ANKRD35: variants seen among roughly 807,000 people sequenced by gnomAD.
ANKRD35 encodes ankyrin repeat domain-containing protein 35.
ANKRD35 carries 102 observed loss-of-function variants against 109.9 expected under a neutral mutation model. The observed-to-expected ratio is 0.93, with a 90% CI of 0.79 to 1.09. ANKRD35 has a LOEUF of 1.09. Ranked by LOEUF, ANKRD35 falls within the 50% of genes least tolerant of loss-of-function variation. The pLI, the probability that ANKRD35 is intolerant of heterozygous loss-of-function variation, is 0.00. For synonymous variants in ANKRD35, 515 were observed against 512.4 expected (o/e 1.01, Z -0.07); for missense variants, 1,240 against 1,230.1 (o/e 1.01, Z -0.12).
Position 145,872,296 on chromosome 1 carries a change from T to C in ANKRD35, c.2473A>G (p.Arg825Gly). 2 of 1,612,530 alleles carry C rather than the reference T, an allele frequency of 1.2e-6. No individual in the cohort carries two copies. Among genetic ancestry groups the C allele is most frequent in the Non-Finnish European group, 1.7e-6 (2 of 1,179,440 alleles). Residue 825 changes from arginine (R) to glycine (G), a missense_variant, in exon 10 of 14, where the codon AGG (arginine) becomes GGG (glycine). Transcript: ENST00000355594. ...YQATEEVAEL[R>G]AREAASLRQH... ...CGTAGGCTGGCTGCCTCCCGGGCCC[T>C]TAGCTCAGCCACTTCCTCTGTGGCT...
intron 3 of ANKRD35, 104 bp from the exon 4 acceptor site, chr1:145,878,136 A>G: frequency 8.4e-7 from 1 of 1,183,502 alleles, no homozygotes; most frequent in Admixed American, 1.7e-5. Context: ...GAGATTAGGG[A>G]GAGAAGCTTT....
chr1:145,868,321 A>G lies in ANKRD35; in HGVS notation c.2867T>C (p.Leu956Pro), dbSNP rs1553738051. The change falls in exon 11 of 14, where the codon CTG becomes CCG. Residue 956 changes from leucine to proline, a missense_variant. Coordinates refer to ENST00000355594, the MANE Select transcript of ANKRD35 (RefSeq NM_144698.5). ...ACAGCCAAAACATACCTGCAGCTGC[A>G]GGGCAAGGCGAGCATTTTCTCCCCG... ...AIRGENARLA[L>P]QLQDSQKNHE... The G allele has an allele frequency of 1.2e-6, 2 of 1,614,150 alleles. No homozygotes were observed. The highest frequency in any genetic ancestry group is 1.7e-5 in the Admixed American group (1 of 60,016).
At position 145,876,551 on chromosome 1, in the gene ANKRD35, T is replaced by C. The variant is rs782335687; in HGVS notation, c.453+18A>G. The C allele has an allele frequency of 6.2e-7, 1 of 1,614,118 alleles. No individual in the cohort carries two copies. Among genetic ancestry groups the C allele is most frequent in the Non-Finnish European group, 8.5e-7 (1 of 1,179,990 alleles). On this transcript the variant is annotated intron_variant, in intron 6 of 13. Coordinates refer to ENST00000355594, the MANE Select transcript of ANKRD35 (RefSeq NM_144698.5). ...CCTTCTGTGTAGGACACTGCCCACT[T>C]GCCCATCTGACACTCACATTATCCA...
chr1:145,884,331 T>C (rs1654401398), intron 1 of ANKRD35, among the ~76,000 whole-genome samples: 3 of 152,230 alleles, frequency 2.0e-5, no homozygotes, highest in African/African-American at 7.2e-5. Context: ...GATGCAAATG[T>C]AAGTGGGACA....
At chr1:145,874,125 AG>A in intron 9 of ANKRD35, 29 bp downstream of exon 9, 1 of 1,614,040 alleles carries the variant, frequency 6.2e-7, no homozygotes. Context: ...GTGTGTCAAA[AG>A]CAAAAGGGGG....
intron 1 of ANKRD35, among the ~76,000 whole-genome samples, chr1:145,880,768 T>G (rs1553740980): frequency 6.6e-6 from 1 of 152,136 alleles, no homozygotes; most frequent in Non-Finnish European, 1.5e-5. Flanking sequence ...GCTCTAAATA[T>G]CCAAACCATA....
chr1:145,866,946 G>A (rs894895285), intron 13 of ANKRD35, among the ~76,000 whole-genome samples, 181 bp from the exon 14 acceptor site: 1 of 152,112 alleles, frequency 6.6e-6, no homozygotes, highest in South Asian at 2.1e-4. Context: ...TCAAAGTGAA[G>A]AGATTCTGGA....
chr1:145,885,794 AGAGAGCCGGGCCACAGG>A lies in ANKRD35; in HGVS notation c.-53_-37del. The A allele has an allele frequency of 6.5e-7, 1 of 1,534,720 alleles. No homozygotes were observed. Among genetic ancestry groups the A allele is most frequent in the South Asian group, 1.1e-5 (1 of 89,232 alleles). On this transcript the variant is annotated 5_prime_UTR_variant, in exon 1 of 14. The change creates a new upstream start codon in the 5' untranslated region. Transcript: ENST00000355594. ...GGGGCCACGGGGGATGGGGACGCGC[AGAGAGCCGGGCCACAGG>A]TTCCCGAACCCACCGGACTTGGCTG...
In ANKRD35 at chr1:145,873,339, C is replaced by T; in HGVS notation, c.1430G>A (p.Gly477Asp). The change falls in exon 10 of 14, where the codon GGC becomes GAC. Residue 477 changes from glycine to aspartate, a missense_variant. By Grantham distance (94) the Gly-to-Asp change is moderately conservative. Transcript: ENST00000355594. ...TGGGCCCACTGGTTCAGCCACTGTG[C>T]CTCCTGGTTCAACTCCTAGAACCTG... The part of the protein sequence containing the change: ...SSQVLGVEPG[G>D]TVAEPVGPAA... The T allele has an allele frequency of 6.2e-7, 1 of 1,614,200 alleles. No homozygotes were observed. The highest frequency in any genetic ancestry group is 2.2e-5 in the East Asian group (1 of 44,874).
chr1:145,878,545 G>C, intron 2 of ANKRD35, 66 bp from the exon 3 acceptor site: 1 of 1,445,330 alleles, frequency 6.9e-7, no homozygotes, highest in Non-Finnish European at 9.5e-7. Flanking sequence ...GGAGAATCTT[G>C]ATAAGCCCTT....
Position 145,873,119 on chromosome 1 carries a change from C to G in ANKRD35, c.1650G>C (p.Trp550Cys), listed in dbSNP as rs1653910992. Residue 550 changes from tryptophan to cysteine, a missense_variant, in exon 10 of 14, where the codon TGG becomes TGC. Coordinates refer to ENST00000355594, the MANE Select transcript of ANKRD35 (RefSeq NM_144698.5). ...RLERVLARLE[W>C]AKAGLQVKPE... ...GTTTCACCTGTAGTCCTGCCTTTGCCCATTCCAGCCTTGCCAGCACCCGCT... is the reference window on the plus strand; with the variant it reads ...GTTTCACCTGTAGTCCTGCCTTTGCGCATTCCAGCCTTGCCAGCACCCGCT... 1.2e-6 allele frequency: 2 copies of G among 1,614,012 alleles called. No homozygotes were observed. Among genetic ancestry groups the G allele is most frequent in the Non-Finnish European group, 8.5e-7 (1 of 1,180,004 alleles).
intron 1 of ANKRD35, among the ~76,000 whole-genome samples, chr1:145,882,036 C>G (rs1370098346): frequency 1.4e-5 from 2 of 144,108 alleles, no homozygotes; most frequent in African/African-American, 5.1e-5. Context: ...CTCACTGCAA[C>G]CTCCACCTCC....
rs77387570 is a variant in ANKRD35, at chr1:145,873,971, C to A, written c.798G>T (p.Glu266Asp). 1,504 of 1,614,012 alleles carry A rather than the reference C, an allele frequency of 9.3e-4. 39 individuals are homozygous for A. In the East Asian group the frequency reaches 0.033, roughly 35 times the overall value. ...TCTTAGGAGGAGAACCTGCCTGGGG[C>A]TCAGATGGAGAGGCCTATGTTGGAA... ...PDLASQASPS[E>D]PQAGSPPKSS... Residue 266 changes from glutamate to aspartate, a missense_variant, in exon 10 of 14, where the codon GAG (glutamate) becomes GAT (aspartate). By Grantham distance (45) the Glu-to-Asp change is conservative. Transcript: ENST00000355594.
chr1:145,870,090 A>ATTTT lies in ANKRD35; in HGVS notation c.2788-1694_2788-1691dup, dbSNP rs35685393. Among the ~76,000 whole-genome samples, 42 of 138,634 alleles carry ATTTT rather than the reference A, an allele frequency of 3.0e-4. 1 individual carries two copies. Among genetic ancestry groups the ATTTT allele is most frequent in the Middle Eastern group, 3.6e-3 (1 of 276 alleles). The allele number at this position is 138,634 out of a possible 152,430, so 90.9% of individuals were successfully genotyped here. ...ACTTACCATGGGCCAAGAGTTCCAA[A>ATTTT]TTTTTTTTTTTTTTTTTTGAGGCAG... On this transcript the variant is annotated intron_variant, in intron 10 of 13. Coordinates refer to ENST00000355594, the MANE Select transcript of ANKRD35 (RefSeq NM_144698.5).
Position 145,876,184 on chromosome 1 carries a change from C to T in ANKRD35, c.516G>A (p.Leu172=), listed in dbSNP as rs148517740. The change falls in exon 7 of 14, where the codon CTG becomes CTA. Residue 172 remains leucine (L), a synonymous_variant. Transcript: ENST00000355594. ...LGGHAAICSQ[L]LQRGARVNVT... ...CATTAACTCGGGCGCCTCGCTGCAG[C>T]AGCTGTGAGCAGATAGCTGCGTGCC... is the stretch of plus-strand genomic sequence containing the variant. The T allele has an allele frequency of 7.4e-6, 12 of 1,614,040 alleles. No individual in the cohort carries two copies. Among genetic ancestry groups the T allele is most frequent in the Non-Finnish European group, 9.3e-6 (11 of 1,179,980 alleles).
In ANKRD35 at chr1:145,877,953, A is replaced by AG; in HGVS notation, c.324+14dup. 6.2e-7 allele frequency: 1 copy of AG among 1,613,216 alleles called. No homozygotes were observed. The highest frequency in any genetic ancestry group is 1.1e-5 in the South Asian group (1 of 91,060). On this transcript the variant is annotated intron_variant, in intron 4 of 13. Coordinates refer to ENST00000355594, the MANE Select transcript of ANKRD35 (RefSeq NM_144698.5). ...TCTTCCCTTCATAAGAGTGGTATCA[A>AG]GGGACTGCTCTTACCTGAAGCAGAA...
At position 145,876,189 on chromosome 1, in the gene ANKRD35, G is replaced by A; in HGVS notation, c.511C>T (p.Gln171Ter). Residue 171 changes from glutamine (Q) to a stop codon, truncating the protein, a stop_gained, in exon 7 of 14, where the codon CAG becomes TAG. Coordinates refer to ENST00000355594, the MANE Select transcript of ANKRD35 (RefSeq NM_144698.5). LOFTEE classifies it high-confidence loss of function. ...SLGGHAAICS[Q>*]LLQRGARVNV... ...ACTCGGGCGCCTCGCTGCAGCAGCT[G>A]TGAGCAGATAGCTGCGTGCCCACCC... 6.2e-7 allele frequency: 1 copy of A among 1,614,092 alleles called. No individual in the cohort carries two copies. The highest frequency in any genetic ancestry group is 2.2e-5 in the East Asian group (1 of 44,880).
chr1:145,872,011 T>C lies in ANKRD35; in HGVS notation c.2758A>G (p.Ile920Val). The change falls in exon 10 of 14, where the codon ATT becomes GTT. Residue 920 changes from isoleucine (I) to valine (V), a missense_variant. Ile to Val is a conservative substitution (Grantham distance 29, BLOSUM62 3). Coordinates refer to ENST00000355594, the MANE Select transcript of ANKRD35 (RefSeq NM_144698.5). ...GCTTCCTTGTCTCGGCAAGCCCCAA[T>C]GAGATGCTCCATCTTCTCTTTCAGC... is the stretch of plus-strand genomic sequence containing the variant. ...ELLKEKMEHL[I>V]GACRDKEAKI... 6.2e-7 allele frequency: 1 copy of C among 1,612,410 alleles called. No homozygotes were observed.
chr1:145,881,403 G>A (rs1311040453), intron 1 of ANKRD35, among the ~76,000 whole-genome samples: 2 of 152,190 alleles, frequency 1.3e-5, no homozygotes, highest in African/African-American at 4.8e-5. Context: ...CAGATAAACA[G>A]TCTCAAGTTG....
Sources: allele counts gnomAD v4.1 joint callset (sites outside exome capture counted in the v4.1 genomes callset), GRCh38; gene constraint gnomAD v4.1.1; transcripts MANE v1.5; gene names NCBI Gene and HGNC (gene_info 2026-07-23, HGNC 2026-07-21).